CAGE1: variants seen among roughly 807,000 people sequenced by gnomAD.
The protein encoded by CAGE1 is cancer-associated gene 1 protein.
CAGE1 carries 66 observed loss-of-function variants against 94.9 expected under a neutral mutation model. That is an observed-to-expected ratio of 0.70 (90% CI 0.57 to 0.85). The LOEUF is 0.85. Ranked by LOEUF, CAGE1 falls within the 40% of genes least tolerant of loss-of-function variation. The pLI is 0.00. For synonymous variants in CAGE1, 319 were observed against 321.0 expected (o/e 0.99, Z 0.07); for missense variants, 865 against 950.4 (o/e 0.91, Z 1.18).
At chr6:7,340,801 C>A in intron 11 of CAGE1, 1 of 391,594 alleles carries the variant, frequency 2.6e-6, no homozygotes, top group South Asian at 2.4e-5. Flanking sequence ...GGCAGACAGT[C>A]TACTCCCTCA....
At chr6:7,334,531 C>G (rs1222148384) in intron 11 of CAGE1, among the ~76,000 whole-genome samples, 3 of 151,996 alleles carry the variant, frequency 2.0e-5, no homozygotes, top group African/African-American at 7.3e-5. Flanking sequence ...GAGTTCGTGA[C>G]TAGCCTGGGC....
At chr6:7,367,729 G>A (rs1044959394) in intron 7 of CAGE1, among the ~76,000 whole-genome samples, 4 of 152,082 alleles carry the variant, frequency 2.6e-5, no homozygotes, top group African/African-American at 4.8e-5. Context: ...CAGGATACCC[G>A]CAACACGTCA....
intron 11 of CAGE1, among the ~76,000 whole-genome samples, chr6:7,335,018 G>C (rs1030680183): frequency 6.6e-6 from 1 of 152,174 alleles, no homozygotes; most frequent in African/African-American, 2.4e-5. Context: ...AAGCTCGAGA[G>C]GAGAATCCTT....
chr6:7,384,666 T>C (rs1761053165), intron 3 of CAGE1, among the ~76,000 whole-genome samples: 1 of 151,978 alleles, frequency 6.6e-6, no homozygotes, highest in South Asian at 2.1e-4. Flanking sequence ...AGCTTTCATC[T>C]GTCAATTTAG....
At chr6:7,326,960 A>G in intron 13 of CAGE1, 61 bp from the exon 14 acceptor site, 1 of 1,324,272 alleles carries the variant, frequency 7.6e-7, no homozygotes, top group Non-Finnish European at 1.1e-6. Context: ...TCAGTGACAG[A>G]ACCCCTAAAC....
intron 7 of CAGE1, among the ~76,000 whole-genome samples, chr6:7,367,581 T>C (rs987193671): frequency 6.6e-6 from 1 of 152,038 alleles, no homozygotes; most frequent in African/African-American, 2.4e-5. Context: ...AGCCTGAAAT[T>C]GTATTTTTGT....
intron 9 of CAGE1, among the ~76,000 whole-genome samples, chr6:7,361,017 G>A (rs1256483839): frequency 6.6e-6 from 1 of 152,058 alleles, no homozygotes; most frequent in Non-Finnish European, 1.5e-5. Flanking sequence ...GAGCAGGTGA[G>A]GAACAACAGG....
intron 11 of CAGE1, among the ~76,000 whole-genome samples, chr6:7,352,024 C>T (rs977294116): frequency 6.6e-6 from 1 of 151,932 alleles, no homozygotes; most frequent in Non-Finnish European, 1.5e-5. Context: ...TACTGGAAGT[C>T]CTAGCCAGAG....
At chr6:7,336,085 A>T (rs2113353017) in intron 11 of CAGE1, among the ~76,000 whole-genome samples, 1 of 152,318 alleles carries the variant, frequency 6.6e-6, no homozygotes, top group South Asian at 2.1e-4. Context: ...GGATAAAGAG[A>T]AGTTGTCAAA....
intron 3 of CAGE1, among the ~76,000 whole-genome samples, chr6:7,384,533 G>A (rs902379028): frequency 6.6e-6 from 1 of 152,026 alleles, no homozygotes; most frequent in Non-Finnish European, 1.5e-5. Flanking sequence ...TTGGGACACC[G>A]AGGCAGGAGA....
Position 7,326,855 on chromosome 6 carries a change from T to C in CAGE1, c.*3A>G. The C allele has an allele frequency of 6.4e-7, 1 of 1,565,444 alleles. No individual in the cohort carries two copies. The highest frequency in any genetic ancestry group is 2.2e-5 in the East Asian group (1 of 44,592). On this transcript the variant is annotated 3_prime_UTR_variant, in exon 14 of 14. Transcript: ENST00000502583. ...ATGATTACTGTTTAATCTTCAGGCT[T>C]GTTTAATCTAAATCATTTCTATTTT...
At chr6:7,382,490 CG>C (rs1256546810) in intron 3 of CAGE1, among the ~76,000 whole-genome samples, 1 of 151,204 alleles carries the variant, frequency 6.6e-6, no homozygotes. Context: ...TTAGTAGAGG[CG>C]GGGGTTTCAC....
Position 7,374,043 on chromosome 6 carries a change from A to G in CAGE1, c.776T>C (p.Val259Ala), listed in dbSNP as rs1170974108. Reference protein sequence around the residue: ...SYEKEVTAEGVERPEIVSTWS... With the variant: ...SYEKEVTAEGAERPEIVSTWS... ...AGTTGAGACAATTTCTGGCCTCTCCACACCCTCTGCTGTGACTTCCTTTTC... is the reference window on the plus strand; with the variant it reads ...AGTTGAGACAATTTCTGGCCTCTCCGCACCCTCTGCTGTGACTTCCTTTTC... The change falls in exon 5 of 14, where the codon GTG becomes GCG. Residue 259 changes from valine to alanine, a missense_variant. Physicochemically the swap from Val to Ala is moderately conservative, Grantham distance 64. Coordinates refer to ENST00000502583, the MANE Select transcript of CAGE1 (RefSeq NM_001170692.2). The G allele has an allele frequency of 6.2e-6, 10 of 1,614,028 alleles. No individual in the cohort carries two copies. Among genetic ancestry groups the G allele is most frequent in the Non-Finnish European group, 7.6e-6 (9 of 1,179,904 alleles).
chr6:7,389,507 T>G lies in CAGE1; in HGVS notation c.-329A>C, dbSNP rs1393688941. ...GCCCGCGAGGCCCGAGCGACCCTAC[T>G]GTGGGTGCGGTGTCTTCCCAGAGAG... On this transcript the variant is annotated 5_prime_UTR_variant, in exon 1 of 14. Transcript: ENST00000502583. 1 of 363,250 alleles carries G rather than the reference T, an allele frequency of 2.8e-6. No individual in the cohort carries two copies. Among genetic ancestry groups the G allele is most frequent in the Non-Finnish European group, 5.5e-6 (1 of 183,320 alleles). The allele number at this position is 363,250 out of a possible 1,614,324, so 22.5% of individuals were successfully genotyped here.
Position 7,373,306 on chromosome 6 carries a change from G to A in CAGE1, c.1513C>T (p.Leu505=). ...EKENLEERQK[L]KSRLEKLLTQ... is the part of the protein sequence containing the mutation. ...AGCAATTTCTCAAGTCTAGATTTCA[G>A]TTTCTGTCTTTCTTCCAGGTTTTCC... The change falls in exon 5 of 14, where the codon CTG becomes TTG. Residue 505 remains leucine, a synonymous_variant. Transcript: ENST00000502583. 3.1e-6 allele frequency: 5 copies of A among 1,607,194 alleles called. 1 individual carries two copies. The South Asian group carries it at 5.6e-5, about 18-fold the overall frequency.
chr6:7,333,725 G>A (rs1401096492), intron 12 of CAGE1, among the ~76,000 whole-genome samples: 3 of 148,628 alleles, frequency 2.0e-5, no homozygotes, highest in African/African-American at 7.4e-5. Flanking sequence ...CTGGAGTGCA[G>A]TGGCACGATC....
In CAGE1 at chr6:7,370,014, C is replaced by G. The variant is rs1760487481; in HGVS notation, c.1798G>C (p.Glu600Gln). ...NLLPDCSPCE[E>Q]RLNPADIKRA... The stretch of plus-strand genomic sequence containing the variant: ...TTTATATCTGCAGGATTCAGCCTCT[C>G]TTCACAAGGTGAGCAATCCGGGAGC... The change falls in exon 6 of 14, where the codon GAG becomes CAG. Residue 600 changes from glutamate (E) to glutamine (Q), a missense_variant. Coordinates refer to ENST00000502583, the MANE Select transcript of CAGE1 (RefSeq NM_001170692.2). 6.2e-7 allele frequency: 1 copy of G among 1,613,592 alleles called. No homozygotes were observed.
chr6:7,372,970 T>A (rs554360346), intron 5 of CAGE1, 103 bp downstream of exon 5: 1 of 845,888 alleles, frequency 1.2e-6, no homozygotes, highest in South Asian at 2.0e-5. Context: ...TCTTTAATAA[T>A]TCTTTCTGCA....
chr6:7,368,930 T>C (rs1219867641), intron 6 of CAGE1, 132 bp from the exon 7 acceptor site: 15 of 576,820 alleles, frequency 2.6e-5, no homozygotes, highest in Non-Finnish European at 9.1e-6. Flanking sequence ...TAAAATCATA[T>C]TGAACTCCAT....
Sources: gnomAD v4.1 joint callset for allele counts (sites outside exome capture counted in the v4.1 genomes callset) on GRCh38, gnomAD v4.1.1 for gene constraint, MANE v1.5 for transcripts, NCBI Gene and HGNC (gene_info 2026-07-23, HGNC 2026-07-21) for gene names.